Variants in RB1 observed in about 807,000 individuals in gnomAD.
The protein encoded by RB1 is retinoblastoma-associated protein.
Under a neutral mutation model 135.4 loss-of-function variants are expected in RB1, and 18 were observed. The ratio of observed to expected loss-of-function variants is 0.13; its 90% CI spans 0.09 to 0.20. RB1 has a LOEUF of 0.20. Ranked by LOEUF, RB1 falls within the 10% of genes least tolerant of loss-of-function variation. The pLI is 1.00. For synonymous variants in RB1, 365 were observed against 373.2 expected, an observed-to-expected ratio of 0.98 and a Z score of 0.25; for missense variants, 868 against 1,110.0, an observed-to-expected ratio of 0.78 and a Z score of 3.10.
intron 6 of RB1, among the ~76,000 whole-genome samples, chr13:48,357,783 A>G (rs1952605590): frequency 6.6e-6 from 1 of 152,122 alleles, no homozygotes; most frequent in Non-Finnish European, 1.5e-5. Flanking sequence ...GGGTAAGATG[A>G]TGATCAGGAG....
At chr13:48,348,384 G>C (rs749851602) in intron 5 of RB1, among the ~76,000 whole-genome samples, 1 of 151,738 alleles carries the variant, frequency 6.6e-6, no homozygotes, top group African/African-American at 2.4e-5. Context: ...AATATAAAGG[G>C]AAATTGTATA....
rs1431881254 is a variant in RB1, at chr13:48,380,197, C to G, written c.1454C>G (p.Ser485Cys). ...KLLNDNIFHM[S>C]LLACALEVVM... ...CTGAATGACAACATTTTTCATATGT[C>G]TTTATTGGCGTGCGCTCTTGAGGTT... is the stretch of plus-strand genomic sequence containing the variant. Residue 485 changes from serine (S) to cysteine (C), a missense_variant, in exon 16 of 27, where the codon TCT (serine) becomes TGT (cysteine). Around this residue, in one of 3 missense-constraint regions of RB1, gnomAD observed 641 missense variants for 791.3 expected, o/e 0.81. Transcript: ENST00000267163. 6.3e-7 allele frequency: 1 copy of G among 1,587,240 alleles called. No individual in the cohort carries two copies. The highest frequency in any genetic ancestry group is 8.6e-7 in the Non-Finnish European group (1 of 1,167,988).
At chr13:48,336,210 A>C (rs1952383871) in intron 2 of RB1, among the ~76,000 whole-genome samples, 1 of 152,192 alleles carries the variant, frequency 6.6e-6, no homozygotes, top group South Asian at 2.1e-4. Flanking sequence ...AAAATGAATT[A>C]GGGAGGATTC....
At chr13:48,374,596 G>T (rs1308848281) in intron 12 of RB1, among the ~76,000 whole-genome samples, 1 of 151,144 alleles carries the variant, frequency 6.6e-6, no homozygotes, top group African/African-American at 2.4e-5. Flanking sequence ...AGTCGCTTTT[G>T]TTTATGAGTT....
intron 17 of RB1, among the ~76,000 whole-genome samples, chr13:48,421,426 C>T (rs1949003631): frequency 6.6e-6 from 1 of 152,092 alleles, no homozygotes; most frequent in Admixed American, 6.6e-5. Context: ...AGAAGAAAAC[C>T]TAGGCAATAC....
At chr13:48,339,154 C>T (rs888748388) in intron 2 of RB1, among the ~76,000 whole-genome samples, 2 of 152,218 alleles carry the variant, frequency 1.3e-5, no homozygotes, top group African/African-American at 4.8e-5. Flanking sequence ...TGTCCATTCT[C>T]AGATCTCAAA....
rs2138107923 is a variant in RB1, at chr13:48,360,099, A to T, written c.690A>T (p.Ser230=). 1 of 1,612,252 alleles carries T rather than the reference A, an allele frequency of 6.2e-7. No homozygotes were observed. Among genetic ancestry groups the T allele is most frequent in the South Asian group, 1.1e-5 (1 of 91,026 alleles). ...LCVLDYFIKL[S]PPMLLKEPYK... Reference sequence around the variant, plus strand: ...TCCTTGACTATTTTATTAAACTCTCACCTCCCATGTTGCTCAAAGAACCAT... The same window carrying T: ...TCCTTGACTATTTTATTAAACTCTCTCCTCCCATGTTGCTCAAAGAACCAT... The change falls in exon 7 of 27, where the codon TCA becomes TCT. Residue 230 remains serine (S), a synonymous_variant. Transcript: ENST00000267163.
intron 11 of RB1, among the ~76,000 whole-genome samples, chr13:48,370,583 T>C (rs927966576): frequency 2.6e-5 from 4 of 152,134 alleles, no homozygotes; most frequent in African/African-American, 9.7e-5. Context: ...ATAGATGATA[T>C]TACAAAGGAT....
intron 3 of RB1, among the ~76,000 whole-genome samples, chr13:48,343,725 T>C (rs754305072): frequency 3.9e-5 from 6 of 152,340 alleles, no homozygotes; most frequent in Middle Eastern, 3.4e-3. Context: ...CTTTAATAAA[T>C]GCTATTCTGA....
intron 8 of RB1, among the ~76,000 whole-genome samples, chr13:48,363,287 A>C (rs1387198062): frequency 6.6e-6 from 1 of 151,668 alleles, no homozygotes; most frequent in African/African-American, 2.4e-5. Flanking sequence ...ATGGTGGCTC[A>C]CACCTGTAAT....
chr13:48,353,359 T>C (rs1489642267), intron 6 of RB1, among the ~76,000 whole-genome samples: 1 of 151,938 alleles, frequency 6.6e-6, no homozygotes, highest in Non-Finnish European at 1.5e-5. Flanking sequence ...AATGGGCAAA[T>C]TCCTAGACAT....
chr13:48,365,050 C>G (rs1952681541), intron 9 of RB1, 79 bp downstream of exon 9: 3 of 1,453,942 alleles, frequency 2.1e-6, no homozygotes, highest in African/African-American at 1.4e-5. Context: ...TTTCTTAGAT[C>G]AATTTACTGT....
chr13:48,317,558 G>T, intron 2 of RB1: 1 of 438,690 alleles, frequency 2.3e-6, no homozygotes, highest in South Asian at 2.1e-5. Flanking sequence ...CTGGGCAGCT[G>T]AATAAAAGCA....
rs4151512 is a variant in RB1, at chr13:48,371,799, A to G, written c.1128-1606A>G. On this transcript the variant is annotated intron_variant, in intron 11 of 26. Transcript: ENST00000267163. ...TTAGGTTCTAGAGCAGGGGTCCCCA[A>G]TTCCCGGGCCAGAGACTGGTCTGTG... Among the ~76,000 whole-genome samples the G allele has an allele frequency of 2.6e-3, 397 of 152,246 alleles. 1 individual carries two copies. The highest frequency in any genetic ancestry group is 9.1e-3 in the African/African-American group (378 of 41,554).
chr13:48,397,210 C>T (rs1948655527), intron 17 of RB1, among the ~76,000 whole-genome samples: 1 of 152,154 alleles, frequency 6.6e-6, no homozygotes, highest in Non-Finnish European at 1.5e-5. Flanking sequence ...TTTATTGCAG[C>T]ACTATTCACA....
chr13:48,470,824 G>C (rs1266368221), intron 23 of RB1, among the ~76,000 whole-genome samples: 1 of 8,950 alleles, frequency 1.1e-4, no homozygotes, highest in African/African-American at 1.4e-4. Context: ...CATCATCACT[G>C]GCCATCAGAG....
chr13:48,317,587 G>T, intron 2 of RB1: 1 of 433,972 alleles, frequency 2.3e-6, no homozygotes, highest in Non-Finnish European at 4.0e-6. Flanking sequence ...AGCATGCTCG[G>T]CCCCTCGTGA....
intron 17 of RB1, among the ~76,000 whole-genome samples, chr13:48,422,127 T>C (rs1949015164): frequency 6.6e-6 from 1 of 152,194 alleles, no homozygotes; most frequent in Non-Finnish European, 1.5e-5. Context: ...CAAATGCGCA[T>C]CAATGATAGA....
At chr13:48,373,736 A>C (rs1212311283) in intron 12 of RB1, among the ~76,000 whole-genome samples, 1 of 152,082 alleles carries the variant, frequency 6.6e-6, no homozygotes, top group Non-Finnish European at 1.5e-5. Flanking sequence ...TCTTCCTTGC[A>C]ACTTATGCCT....
Sources: allele counts gnomAD v4.1 joint callset (sites outside exome capture counted in the v4.1 genomes callset), GRCh38; gene constraint gnomAD v4.1.1; regional missense constraint gnomAD v4.1.1; transcripts MANE v1.5; gene names NCBI Gene and HGNC (gene_info 2026-07-23, HGNC 2026-07-21).